Variants in SPTAN1 observed in about 807,000 individuals in gnomAD.
The protein encoded by SPTAN1 is spectrin alpha chain, non-erythrocytic 1.
SPTAN1 carries 61 observed loss-of-function variants against 331.3 expected under a neutral mutation model. The ratio of observed to expected loss-of-function variants is 0.18; its 90% confidence interval spans 0.15 to 0.23. SPTAN1 has a LOEUF of 0.23. Ranked by LOEUF, SPTAN1 falls within the 10% of genes least tolerant of loss-of-function variation. The probability of loss-of-function intolerance (pLI) is 1.00; values close to 1 mark genes in which losing one functional copy is unlikely to be tolerated. For missense variants in SPTAN1, 2,043 were observed against 3,147.9 expected (o/e 0.65, Z 8.40); for synonymous variants, 1,153 against 1,173.9 (o/e 0.98, Z 0.36).
Position 128,607,942 on chromosome 9 carries a change from A to G in SPTAN1, c.4237A>G (p.Ser1413Gly), listed in dbSNP as rs1340235337. The change falls in exon 33 of 57, where the codon AGC becomes GGC. Residue 1413 changes from serine (S) to glycine (G), a missense_variant. By Grantham distance (56) the Ser-to-Gly change is moderately conservative. This residue lies in a region of SPTAN1 where 179 missense variants were observed against 215.7 expected (regional missense o/e 0.83). Coordinates refer to ENST00000372739, the MANE Select transcript of SPTAN1 (RefSeq NM_001130438.3). ...QQLLAHGHYA[S>G]PEIKQKLDIL... ...GCTGTTGGCTCACGGACACTATGCC[A>G]GCCCTGAGATCAAGCAGAAACTTGA... 6.2e-7 allele frequency: 1 copy of G among 1,614,096 alleles called. No homozygotes were observed. The highest frequency in any genetic ancestry group is 2.2e-5 in the East Asian group (1 of 44,878).
At chr9:128,557,459 T>C (rs1281569744) in intron 1 of SPTAN1, among the ~76,000 whole-genome samples, 5 of 152,220 alleles carry the variant, frequency 3.3e-5, no homozygotes, top group Non-Finnish European at 7.3e-5. Flanking sequence ...CTGCAGTCTT[T>C]TGTGTTGCTT....
At position 128,625,328 on chromosome 9, in the gene SPTAN1, GACTA is replaced by G. The variant is rs1017485886; in HGVS notation, c.6069+153_6069+156del. ...TGTCCTGGTCCTCAGGGAGCTTCCA[GACTA>G]ACTGGGGAAGCAGACACAGAACCAG... On this transcript the variant is annotated intron_variant, in intron 47 of 56. Transcript: ENST00000372739. This position sits in a 1 kb window ranked among gnomAD's most constrained non-coding sequence, Gnocchi z 4.1. 6 of 833,894 alleles carry G rather than the reference GACTA, an allele frequency of 7.2e-6. No homozygotes were observed. The highest frequency in any genetic ancestry group is 1.2e-5 in the Non-Finnish European group (6 of 505,248). The allele number at this position is 833,894 out of a possible 1,614,324, so 51.7% of individuals were successfully genotyped here. A position where few individuals can be genotyped will look rare whatever the true frequency, so the allele number is the denominator to read the frequency against.
intron 45 of SPTAN1, among the ~76,000 whole-genome samples, chr9:128,623,238 T>TC (rs1858174979): frequency 1.3e-5 from 2 of 150,784 alleles, no homozygotes; most frequent in South Asian, 2.1e-4. Flanking sequence ...TTTCTTTTTT[T>TC]CTTTTTTTTT....
intron 51 of SPTAN1, chr9:128,628,736 G>T (rs1207847924): frequency 5.7e-6 from 1 of 174,828 alleles, no homozygotes; most frequent in African/African-American, 2.4e-5. Context: ...GGCCAGGGGA[G>T]AAATAGACCC....
chr9:128,618,152 C>G (rs1392353965), intron 43 of SPTAN1, 44 bp downstream of exon 43: 8 of 1,611,008 alleles, frequency 5.0e-6, no homozygotes, highest in Non-Finnish European at 6.8e-6. Flanking sequence ...AGTGGAAGGC[C>G]AGCACCCAAG....
chr9:128,622,097 T>G (rs936085299), intron 45 of SPTAN1: 2 of 152,420 alleles, frequency 1.3e-5, no homozygotes, highest in Admixed American at 1.3e-4. Context: ...TCCACTTCAC[T>G]GGAGAGCTTT....
intron 3 of SPTAN1, 112 bp from the exon 4 acceptor site, chr9:128,574,563 A>G: frequency 7.9e-7 from 1 of 1,258,682 alleles, no homozygotes. Flanking sequence ...TCTTTTAAAA[A>G]TATTTTTATT....
In SPTAN1 at chr9:128,588,838, T is replaced by C. The variant is rs775505553; in HGVS notation, c.2901T>C (p.Thr967=). Reference sequence around the variant, plus strand: ...AAGTGGCCCCCACGGATGATGAGACTGGGAAGGAGCTGGTCTTGGCTCTCT... The same window carrying C: ...AAGTGGCCCCCACGGATGATGAGACCGGGAAGGAGCTGGTCTTGGCTCTCT... ...RQQVAPTDDE[T]GKELVLALYD... The change falls in exon 21 of 57, where the codon ACT becomes ACC. Residue 967 remains threonine (T), a synonymous_variant. Transcript: ENST00000372739. 3 of 1,614,030 alleles carry C rather than the reference T, an allele frequency of 1.9e-6. No individual in the cohort carries two copies. The highest frequency in any genetic ancestry group is 3.3e-5 in the Admixed American group (2 of 59,996).
chr9:128,600,721 G>A (rs1854999478), intron 27 of SPTAN1, among the ~76,000 whole-genome samples: 1 of 152,172 alleles, frequency 6.6e-6, no homozygotes, highest in Admixed American at 6.6e-5. Flanking sequence ...GGAGTGCAGT[G>A]GCACAATCTC....
Position 128,577,460 on chromosome 9 carries a change from C to G in SPTAN1, c.1039C>G (p.Arg347Gly), listed in dbSNP as rs754066930. Residue 347 changes from arginine to glycine, a missense_variant, in exon 8 of 57, where the codon CGC (arginine) becomes GGC (glycine). Arg to Gly is a moderately radical substitution (Grantham distance 125, BLOSUM62 -2). Around this residue, in one of 12 missense-constraint regions of SPTAN1, gnomAD observed 1,038 missense variants for 1,531.5 expected, o/e 0.68. Coordinates refer to ENST00000372739, the MANE Select transcript of SPTAN1 (RefSeq NM_001130438.3). This position sits in a 1 kb window ranked among gnomAD's most constrained non-coding sequence, Gnocchi z 4.2. ...ACTGATTACAAACTGGGAGCAGATC[C>G]GCACCTTGGCGGCAGAGAGACATGC... is the stretch of plus-strand genomic sequence containing the variant. ...EELITNWEQIRTLAAERHARL... is the reference protein window; with the variant it reads ...EELITNWEQIGTLAAERHARL... 2 of 1,614,132 alleles carry G rather than the reference C, an allele frequency of 1.2e-6. No homozygotes were observed. The highest frequency in any genetic ancestry group is 1.7e-4 in the Middle Eastern group (1 of 6,058).
At chr9:128,612,080 T>A in intron 38 of SPTAN1, 29 bp from the exon 39 acceptor site, 1 of 1,614,062 alleles carries the variant, frequency 6.2e-7, no homozygotes, top group East Asian at 2.2e-5. Flanking sequence ...ATAGATTTCA[T>A]CTCTTTTTGG....
At chr9:128,553,504 G>A (rs759865868) in intron 1 of SPTAN1, 6 of 152,216 alleles carry the variant, frequency 3.9e-5, no homozygotes, top group Non-Finnish European at 7.3e-5. Flanking sequence ...ACTGTTGAAT[G>A]ATAGAACAGT....
intron 19 of SPTAN1, among the ~76,000 whole-genome samples, chr9:128,587,170 T>C (rs555763619): frequency 6.6e-6 from 1 of 152,104 alleles, no homozygotes; most frequent in Admixed American, 6.6e-5. Context: ...CCTACAGCTT[T>C]GACCTCCTGT....
chr9:128,633,564 A>G lies in SPTAN1; in HGVS notation c.*230A>G. ...AAGCAGCTGCCCTCATTCCGACTTC[A>G]GAAAATCGAAGCAGCTGGCTCCTCC... On this transcript the variant is annotated 3_prime_UTR_variant, in exon 57 of 57. Transcript: ENST00000372739. The G allele has an allele frequency of 9.4e-7, 1 of 1,061,324 alleles. No individual in the cohort carries two copies. The highest frequency in any genetic ancestry group is 1.4e-6 in the Non-Finnish European group (1 of 724,134). The allele number at this position is 1,061,324 out of a possible 1,614,324, so 65.7% of individuals were successfully genotyped here.
At position 128,598,354 on chromosome 9, in the gene SPTAN1, T is replaced by G. The variant is rs754942248; in HGVS notation, c.3415-46T>G. 3 of 1,468,838 alleles carry G rather than the reference T, an allele frequency of 2.0e-6. No individual in the cohort carries two copies. The South Asian group carries it at 3.5e-5, about 17-fold the overall frequency. 91.0% of individuals were successfully genotyped at this position (1,468,838 alleles called of 1,614,324 possible). A position where few individuals can be genotyped will look rare whatever the true frequency, so the allele number is the denominator to read the frequency against. ...TTTGTGACTATGTCTCCTTTGACTT[T>G]GGCTTGCTATTTTGGGTTTTAGTTA... On this transcript the variant is annotated intron_variant, in intron 24 of 56. Coordinates refer to ENST00000372739, the MANE Select transcript of SPTAN1 (RefSeq NM_001130438.3).
chr9:128,597,019 G>A lies in SPTAN1; in HGVS notation c.3415-1381G>A, dbSNP rs143693467. On this transcript the variant is annotated intron_variant, in intron 24 of 56. Coordinates refer to ENST00000372739, the MANE Select transcript of SPTAN1 (RefSeq NM_001130438.3). ...TGCTGAAAATACAAAAATTAGCTGG[G>A]CGTGGTAGCGCCTGCCTGTAGACCC... Among the ~76,000 whole-genome samples, 568 of 152,256 alleles carry A rather than the reference G, an allele frequency of 3.7e-3. 3 individuals are homozygous for A. Among genetic ancestry groups the A allele is most frequent in the African/African-American group, 0.013 (527 of 41,564 alleles).
Position 128,588,920 on chromosome 9 carries a change from A to G in SPTAN1, c.2983A>G (p.Thr995Ala), listed in dbSNP as rs1275666238. 1.2e-6 allele frequency: 2 copies of G among 1,614,018 alleles called. No individual in the cohort carries two copies. The highest frequency in any genetic ancestry group is 2.2e-5 in the East Asian group (1 of 44,862). Reference protein sequence around the residue: ...EVTMKKGDILTLLNSTNKDWW... With the variant: ...EVTMKKGDILALLNSTNKDWW... ...CACCATGAAGAAGGGAGATATCCTT[A>G]CCTTACTCAACAGCACCAACAAGGC... The change falls in exon 21 of 57, where the codon ACC (threonine) becomes GCC (alanine). Residue 995 changes from threonine to alanine, a missense_variant. Around this residue, in one of 12 missense-constraint regions of SPTAN1, gnomAD observed 1,038 missense variants for 1,531.5 expected, o/e 0.68. Coordinates refer to ENST00000372739, the MANE Select transcript of SPTAN1 (RefSeq NM_001130438.3).
At position 128,566,718 on chromosome 9, in the gene SPTAN1, A is replaced by G; in HGVS notation, c.-3-20A>G. ...TTTGGTGCCTATTGGTACTTATCTC[A>G]GCGCATTTTGTCATTTCAGAAAATG... On this transcript the variant is annotated intron_variant, in intron 1 of 56. Coordinates refer to ENST00000372739, the MANE Select transcript of SPTAN1 (RefSeq NM_001130438.3). The G allele has an allele frequency of 1.2e-6, 2 of 1,614,038 alleles. No individual in the cohort carries two copies. The highest frequency in any genetic ancestry group is 1.7e-6 in the Non-Finnish European group (2 of 1,179,992).
intron 40 of SPTAN1, among the ~76,000 whole-genome samples, chr9:128,613,724 C>A (rs1275051004): frequency 6.6e-6 from 1 of 152,198 alleles, no homozygotes; most frequent in Non-Finnish European, 1.5e-5. Context: ...AATTTTAAGG[C>A]CAGGTGCAGT....
Sources: gnomAD v4.1 joint callset for allele counts (sites outside exome capture counted in the v4.1 genomes callset) on GRCh38, gnomAD v4.1.1 for gene constraint, gnomAD v4.1.1 regional missense constraint, Gnocchi (gnomAD v3.1) non-coding constraint, MANE v1.5 for transcripts, NCBI Gene and HGNC (gene_info 2026-07-23, HGNC 2026-07-21) for gene names.